The following JARID2 variants were observed in gnomAD, a reference collection of about 807,000 sequenced individuals.
The protein encoded by JARID2 is protein Jumonji.
A neutral mutation model predicts 125.6 loss-of-function variants in JARID2; 21 were observed. The observed-to-expected ratio is 0.17, with a 90% CI of 0.12 to 0.24. JARID2 has a LOEUF of 0.24. JARID2 is among the 10% of genes least tolerant of loss of function. The pLI is 1.00. For missense variants in JARID2, 1,303 were observed against 1,639.6 expected (o/e 0.79, Z 3.55); for synonymous variants, 736 against 661.6 (o/e 1.11, Z -1.73).
chr6:15,375,102 A>G (rs1351488966), intron 2 of JARID2, among the ~76,000 whole-genome samples: 1 of 152,156 alleles, frequency 6.6e-6, no homozygotes, highest in Non-Finnish European at 1.5e-5. Flanking sequence ...TAGGGTGCCA[A>G]AGGACAGGTT....
intron 4 of JARID2, among the ~76,000 whole-genome samples, chr6:15,453,131 TAAG>T (rs1267211112): frequency 1.3e-5 from 2 of 152,358 alleles, no homozygotes; most frequent in African/African-American, 4.8e-5. Flanking sequence ...CTGTCAAAGT[TAAG>T]AAGTTCACAG....
At chr6:15,440,072 A>G (rs919764907) in intron 3 of JARID2, among the ~76,000 whole-genome samples, 7 of 152,204 alleles carry the variant, frequency 4.6e-5, no homozygotes, top group African/African-American at 1.7e-4. Context: ...CCTTCTTGGA[A>G]ACGTTTTGAC....
intron 4 of JARID2, among the ~76,000 whole-genome samples, chr6:15,465,434 G>C (rs931813225): frequency 2.6e-5 from 4 of 152,048 alleles, no homozygotes; most frequent in Non-Finnish European, 4.4e-5. Flanking sequence ...CTGGGCGACA[G>C]AGTGATTTCT....
At chr6:15,475,911 T>C (rs1175393462) in intron 5 of JARID2, among the ~76,000 whole-genome samples, 4 of 152,164 alleles carry the variant, frequency 2.6e-5, no homozygotes, top group Non-Finnish European at 5.9e-5. Flanking sequence ...AGAACCTGGG[T>C]GAGGGCATCA....
At chr6:15,387,547 A>C (rs1764835966) in intron 2 of JARID2, among the ~76,000 whole-genome samples, 1 of 152,008 alleles carries the variant, frequency 6.6e-6, no homozygotes, top group African/African-American at 2.4e-5. Flanking sequence ...TCACCTTCTC[A>C]TGGACCTTAG....
intron 1 of JARID2, among the ~76,000 whole-genome samples, chr6:15,267,672 A>G (rs1356900524): frequency 6.6e-6 from 1 of 152,062 alleles, no homozygotes; most frequent in African/African-American, 2.4e-5. Flanking sequence ...GTGACGCGCG[A>G]ACTCAATGGT....
At chr6:15,276,882 T>G (rs1365241462) in intron 1 of JARID2, among the ~76,000 whole-genome samples, 2 of 152,132 alleles carry the variant, frequency 1.3e-5, no homozygotes, top group East Asian at 3.9e-4. Flanking sequence ...AATTTGATTG[T>G]GTTTTTGGAC....
chr6:15,494,242 C>T (rs1219027446), intron 6 of JARID2, among the ~76,000 whole-genome samples: 2 of 152,154 alleles, frequency 1.3e-5, no homozygotes, highest in East Asian at 1.9e-4. Context: ...GTTCCAAGCG[C>T]GGTCCCCAGG....
intron 4 of JARID2, among the ~76,000 whole-genome samples, chr6:15,457,446 G>A (rs780192972): frequency 6.6e-6 from 1 of 152,150 alleles, no homozygotes; most frequent in Non-Finnish European, 1.5e-5. Context: ...AGCTCAGTCA[G>A]CCCATCACCC....
intron 3 of JARID2, among the ~76,000 whole-genome samples, chr6:15,417,124 G>A (rs190779840): frequency 1.3e-5 from 2 of 152,310 alleles, no homozygotes; most frequent in Admixed American, 1.3e-4. Context: ...TAGAGAGCAA[G>A]ATTAACTGTT....
In JARID2 at chr6:15,496,879, G is replaced by C. The variant is rs1457722606; in HGVS notation, c.1654G>C (p.Ala552Pro). 1 of 1,601,232 alleles carries C rather than the reference G, an allele frequency of 6.2e-7. No individual in the cohort carries two copies. The highest frequency in any genetic ancestry group is 8.5e-7 in the Non-Finnish European group (1 of 1,171,624). Residue 552 changes from alanine to proline, a missense_variant, in exon 7 of 18, where the codon GCG becomes CCG. Ala to Pro is a conservative substitution (Grantham distance 27). Transcript: ENST00000341776. ...AEKGGGKAGW[A>P]AMDEIPVLRP... is the part of the protein sequence containing the mutation. ...GAAGGGCGGCGGCAAGGCCGGGTGGGCGGCCATGGACGAGATCCCCGTCCT... is the reference window on the plus strand; with the variant it reads ...GAAGGGCGGCGGCAAGGCCGGGTGGCCGGCCATGGACGAGATCCCCGTCCT...
rs182830637 is a variant in JARID2, at chr6:15,258,405, G to A, written c.45+11821G>A. On this transcript the variant is annotated intron_variant, in intron 1 of 17. Coordinates refer to ENST00000341776, the MANE Select transcript of JARID2 (RefSeq NM_004973.4). The stretch of plus-strand genomic sequence containing the variant: ...GTCTCAGTTTCTTCATCTTTGAAAG[G>A]GGGAGAATTGTGCCTTCATTATTGG... Among the ~76,000 whole-genome samples the A allele has an allele frequency of 2.0e-3, 300 of 152,268 alleles. 3 individuals carry two copies. Among genetic ancestry groups the A allele is most frequent in the African/African-American group, 6.6e-3 (276 of 41,546 alleles).
chr6:15,422,346 A>G (rs1282802990), intron 3 of JARID2, among the ~76,000 whole-genome samples: 2 of 152,098 alleles, frequency 1.3e-5, no homozygotes, highest in East Asian at 1.9e-4. Context: ...CACCTTTCCC[A>G]TGGAAATCTT....
chr6:15,360,774 G>A (rs1254554565), intron 1 of JARID2, among the ~76,000 whole-genome samples: 1 of 152,140 alleles, frequency 6.6e-6, no homozygotes, highest in Non-Finnish European at 1.5e-5. Context: ...CAGTGTGTGA[G>A]AATTACAGAC....
At chr6:15,410,190 T>C (rs1174031622) in intron 2 of JARID2, 34 bp from the exon 3 acceptor site, 1 of 1,602,186 alleles carries the variant, frequency 6.2e-7, no homozygotes, top group South Asian at 1.1e-5. Flanking sequence ...TGATGTGATG[T>C]ATTTAAGTGT....
chr6:15,333,703 A>C (rs1305004429), intron 1 of JARID2, among the ~76,000 whole-genome samples: 1 of 152,238 alleles, frequency 6.6e-6, no homozygotes, highest in Non-Finnish European at 1.5e-5. Context: ...TGCTGAAAAA[A>C]ATTACATTGT....
chr6:15,306,894 C>T (rs1087559), intron 1 of JARID2, among the ~76,000 whole-genome samples: 37,643 of 147,554 alleles, frequency 0.26, 5,235 homozygotes, highest in African/African-American at 0.38. Context: ...ATATTAATTA[C>T]ATTATTATAT....
Position 15,283,532 on chromosome 6 carries a change from C to T in JARID2, c.45+36948C>T, listed in dbSNP as rs187500924. On this transcript the variant is annotated intron_variant, in intron 1 of 17. Transcript: ENST00000341776. ...AATTTTCTTGTATTTTTATTAGAGA[C>T]GGGATTTCACCGTGTTAGCCAGGAC... is the stretch of plus-strand genomic sequence containing the variant. Among the ~76,000 whole-genome samples, 14 of 148,110 alleles carry T rather than the reference C, an allele frequency of 9.5e-5. No individual in the cohort carries two copies. The East Asian group carries it at 1.4e-3, about 15-fold the overall frequency.
At chr6:15,382,217 C>T (rs977779726) in intron 2 of JARID2, among the ~76,000 whole-genome samples, 13 of 152,290 alleles carry the variant, frequency 8.5e-5, no homozygotes, top group South Asian at 2.1e-4. Context: ...GAGCCAAGAT[C>T]GCACCACTGC....
Sources: allele counts gnomAD v4.1 joint callset (sites outside exome capture counted in the v4.1 genomes callset), GRCh38; gene constraint gnomAD v4.1.1; transcripts MANE v1.5; gene names NCBI Gene and HGNC (gene_info 2026-07-23, HGNC 2026-07-21).